MORF4L1: variants seen among roughly 807,000 people sequenced by gnomAD.
The protein encoded by MORF4L1 is mortality factor 4 like 1.
MORF4L1 carries 4 observed loss-of-function variants against 52.9 expected under a neutral mutation model. That is an observed-to-expected ratio of 0.08 (90% CI 0.04 to 0.17). The LOEUF is 0.17. MORF4L1 is among the 10% of genes least tolerant of loss of function. The probability of loss-of-function intolerance (pLI) is 1.00; values close to 1 mark genes in which losing one functional copy is unlikely to be tolerated. For missense variants in MORF4L1, 214 were observed against 390.4 expected (o/e 0.55, Z 3.81); for synonymous variants, 123 against 134.8 (o/e 0.91, Z 0.61).
chr15:78,896,872 A>C (rs1391977037), intron 11 of MORF4L1, 111 bp from the exon 12 acceptor site: 2 of 732,930 alleles, frequency 2.7e-6, no homozygotes, highest in Non-Finnish European at 2.3e-6. Flanking sequence ...TGTCTGGTTT[A>C]ATGTATTTTA....
chr15:78,894,798 A>G (rs761466395), intron 10 of MORF4L1, 22 bp from the exon 11 acceptor site: 77 of 1,583,686 alleles, frequency 4.9e-5, no homozygotes, highest in Non-Finnish European at 6.1e-5. Flanking sequence ...GTAACTTTGG[A>G]TAAATTCTCT....
At chr15:78,886,413 C>G in intron 4 of MORF4L1, 186 bp downstream of exon 4, 1 of 600,798 alleles carries the variant, frequency 1.7e-6, no homozygotes, top group South Asian at 2.1e-5. Flanking sequence ...AAGTAGCATA[C>G]CTGCCATTAC....
rs1432638637 is a variant in MORF4L1, at chr15:78,872,923, T to A, written c.-95T>A. Reference sequence around the variant, plus strand: ...CCCAGGATGTAGAGCTGGCAGTGCCTGACGGCGCGTCTGACGCGGAGTTGG... The same window carrying A: ...CCCAGGATGTAGAGCTGGCAGTGCCAGACGGCGCGTCTGACGCGGAGTTGG... On this transcript the variant is annotated 5_prime_UTR_variant, in exon 1 of 12. Transcript: ENST00000426013. The A allele has an allele frequency of 6.7e-7, 1 of 1,494,362 alleles. No individual in the cohort carries two copies. The highest frequency in any genetic ancestry group is 2.6e-5 in the East Asian group (1 of 38,604). 92.6% of individuals were successfully genotyped at this position (1,494,362 alleles called of 1,614,324 possible).
chr15:78,882,005 G>T (rs1176090148), intron 3 of MORF4L1, among the ~76,000 whole-genome samples: 1 of 152,134 alleles, frequency 6.6e-6, no homozygotes. Context: ...TTATTTCTTT[G>T]TTAGGAAGTT....
At chr15:78,882,731 A>G (rs1223273927) in intron 3 of MORF4L1, among the ~76,000 whole-genome samples, 1 of 152,154 alleles carries the variant, frequency 6.6e-6, no homozygotes, top group African/African-American at 2.4e-5. Context: ...AAAAAAACAC[A>G]AAGCAAATTT....
At chr15:78,880,684 A>G (rs1024056253) in intron 3 of MORF4L1, 105 bp downstream of exon 3, 34 of 767,314 alleles carry the variant, frequency 4.4e-5, no homozygotes, top group African/African-American at 3.1e-4. Flanking sequence ...TTAATGTAAT[A>G]TAGTACATAT....
intron 3 of MORF4L1, among the ~76,000 whole-genome samples, chr15:78,881,013 G>A (rs1251173194): frequency 6.6e-6 from 1 of 151,606 alleles, no homozygotes; most frequent in Non-Finnish European, 1.5e-5. Context: ...AAAGGGGAAA[G>A]GATAAAGGTT....
chr15:78,888,323 C>T (rs920376648), intron 5 of MORF4L1, among the ~76,000 whole-genome samples: 32 of 151,568 alleles, frequency 2.1e-4, no homozygotes, highest in African/African-American at 7.3e-4. Context: ...AAAATTAGCT[C>T]GGGGGTGGTG....
At chr15:78,884,723 T>C (rs915740465) in intron 3 of MORF4L1, among the ~76,000 whole-genome samples, 7 of 151,570 alleles carry the variant, frequency 4.6e-5, no homozygotes, top group Admixed American at 2.6e-4. Context: ...GAAAATGGCT[T>C]GTGCAGGGTA....
intron 6 of MORF4L1, 181 bp downstream of exon 6, chr15:78,891,195 A>G: frequency 2.6e-6 from 2 of 776,290 alleles, no homozygotes; most frequent in Non-Finnish European, 4.2e-6. Context: ...CCAAGGAGAA[A>G]CTTGTGAGCA....
intron 1 of MORF4L1, among the ~76,000 whole-genome samples, chr15:78,874,950 C>A (rs1004069394): frequency 6.6e-6 from 1 of 151,816 alleles, no homozygotes; most frequent in East Asian, 1.9e-4. Context: ...CGAAAAAAAC[C>A]ACCACATTAG....
intron 2 of MORF4L1, among the ~76,000 whole-genome samples, chr15:78,879,369 C>T (rs928189035): frequency 2.6e-5 from 4 of 152,050 alleles, no homozygotes; most frequent in Non-Finnish European, 5.9e-5. Context: ...TTACAGGCAC[C>T]AGCCACCACA....
intron 1 of MORF4L1, among the ~76,000 whole-genome samples, chr15:78,876,270 G>GT (rs1415896991): frequency 6.8e-6 from 1 of 146,414 alleles, no homozygotes; most frequent in African/African-American, 2.6e-5. Flanking sequence ...TTGTAAACTT[G>GT]TTAAAAAAAA....
intron 3 of MORF4L1, chr15:78,885,019 A>C (rs1235918769): frequency 6.2e-7 from 1 of 1,614,146 alleles, no homozygotes; most frequent in South Asian, 1.1e-5. Flanking sequence ...ACATGAGGAT[A>C]TTGTAGCCCT....
At chr15:78,881,527 G>A in intron 3 of MORF4L1, among the ~76,000 whole-genome samples, 1 of 151,746 alleles carries the variant, frequency 6.6e-6, no homozygotes, top group Non-Finnish European at 1.5e-5. Context: ...GTAAAGTACC[G>A]ATGTTATTGA....
chr15:78,879,098 C>T lies in MORF4L1; in HGVS notation c.87+839C>T, dbSNP rs114679550. Among the ~76,000 whole-genome samples the T allele has an allele frequency of 8.0e-3, 1,221 of 152,036 alleles. 20 individuals carry two copies. Among genetic ancestry groups the T allele is most frequent in the African/African-American group, 0.029 (1,187 of 41,436 alleles). ...TTTTAAAGTTCTAAAGAGCCAAACGCGGTGGCACATGCATGTAGTTTCAGC... is the reference window on the plus strand; with the variant it reads ...TTTTAAAGTTCTAAAGAGCCAAACGTGGTGGCACATGCATGTAGTTTCAGC... On this transcript the variant is annotated intron_variant, in intron 2 of 11. Coordinates refer to ENST00000426013, the MANE Select transcript of MORF4L1 (RefSeq NM_006791.4).
At chr15:78,895,308 CAG>C (rs3065540) in intron 11 of MORF4L1, among the ~76,000 whole-genome samples, 19,586 of 151,776 alleles carry the variant, frequency 0.13, 1,327 homozygotes, top group East Asian at 0.27. Context: ...TTAATACACA[CAG>C]AGTTCTTCGG....
chr15:78,881,669 G>C (rs549965220), intron 3 of MORF4L1, among the ~76,000 whole-genome samples: 130 of 152,274 alleles, frequency 8.5e-4, no homozygotes, highest in Non-Finnish European at 1.3e-3. Flanking sequence ...ATTTACCCAA[G>C]TCTCCTATTT....
intron 3 of MORF4L1, among the ~76,000 whole-genome samples, chr15:78,884,158 C>T (rs530011253): frequency 3.4e-5 from 5 of 149,240 alleles, no homozygotes; most frequent in African/African-American, 4.9e-5. Flanking sequence ...GAGCCGAGAT[C>T]GTGCCACTGC....
Sources: gnomAD v4.1 joint callset for allele counts (sites outside exome capture counted in the v4.1 genomes callset) on GRCh38, gnomAD v4.1.1 for gene constraint, MANE v1.5 for transcripts, NCBI Gene and HGNC (gene_info 2026-07-23, HGNC 2026-07-21) for gene names.